ZBTB20: variants seen among roughly 807,000 people sequenced by gnomAD.
ZBTB20 encodes zinc finger and BTB domain containing 20.
Under a neutral mutation model 56.9 loss-of-function variants are expected in ZBTB20, and 9 were observed. The ratio of observed to expected loss-of-function variants is 0.16; its 90% confidence interval spans 0.10 to 0.28. ZBTB20 has a LOEUF of 0.28. Among genes scored for constraint, ZBTB20 ranks in the 10% least tolerant of loss-of-function variants. The probability of loss-of-function intolerance (pLI) is 1.00; values close to 1 mark genes in which losing one functional copy is unlikely to be tolerated. For missense variants in ZBTB20, 655 were observed against 1,003.0 expected, an observed-to-expected ratio of 0.65 and a Z score of 4.69; for synonymous variants, 417 against 420.7, an observed-to-expected ratio of 0.99 and a Z score of 0.11.
chr3:114,877,598 G>A (rs2076246297), intron 4 of ZBTB20, among the ~76,000 whole-genome samples: 1 of 152,144 alleles, frequency 6.6e-6, no homozygotes, highest in Non-Finnish European at 1.5e-5. Flanking sequence ...TGGGAAAGAA[G>A]CCAATCCCTT....
chr3:114,727,011 A>G (rs2065356286), intron 5 of ZBTB20, among the ~76,000 whole-genome samples: 1 of 151,874 alleles, frequency 6.6e-6, no homozygotes, highest in Non-Finnish European at 1.5e-5. Flanking sequence ...TATTTCCTAA[A>G]GTCACCATAT....
At chr3:114,446,009 C>A (rs184020170) in intron 7 of ZBTB20, among the ~76,000 whole-genome samples, 1 of 151,938 alleles carries the variant, frequency 6.6e-6, no homozygotes, top group African/African-American at 2.4e-5. Flanking sequence ...TAGTTCACTG[C>A]GACAATCTAT....
intron 3 of ZBTB20, among the ~76,000 whole-genome samples, chr3:114,957,759 AG>A (rs2077298574): frequency 6.6e-6 from 1 of 152,194 alleles, no homozygotes; most frequent in Non-Finnish European, 1.5e-5. Flanking sequence ...CATAGACAAA[AG>A]GTTGCTAGCT....
intron 6 of ZBTB20, among the ~76,000 whole-genome samples, chr3:114,565,668 T>C (rs2052633889): frequency 6.6e-6 from 1 of 152,210 alleles, no homozygotes; most frequent in South Asian, 2.1e-4. Context: ...CATGTAGGTA[T>C]CATGCAATTT....
chr3:114,531,787 C>T (rs2047870766), intron 6 of ZBTB20, among the ~76,000 whole-genome samples: 2 of 152,202 alleles, frequency 1.3e-5, no homozygotes, highest in Admixed American at 6.5e-5. Context: ...AACAGAGGTA[C>T]CTGGCTCATC....
At chr3:114,551,181 G>A (rs2050531730) in intron 6 of ZBTB20, among the ~76,000 whole-genome samples, 1 of 152,136 alleles carries the variant, frequency 6.6e-6, no homozygotes, top group African/African-American at 2.4e-5. Context: ...ATATTCGATT[G>A]AATATAGTGA....
intron 6 of ZBTB20, chr3:114,519,064 G>T (rs957894313): frequency 6.6e-6 from 1 of 152,186 alleles, no homozygotes; most frequent in Non-Finnish European, 1.5e-5. Context: ...CCTAAAGGAA[G>T]CACCCCAGAA....
In ZBTB20 at chr3:114,327,974, T is replaced by C. The variant is rs915599614; in HGVS notation, c.*11031A>G. 1.2e-4 allele frequency: 18 copies of C among 152,320 alleles called. No individual in the cohort carries two copies. Among genetic ancestry groups the C allele is most frequent in the Admixed American group, 1.1e-3 (17 of 15,292 alleles). 9.4% of individuals were successfully genotyped at this position (152,320 alleles called of 1,614,324 possible). On this transcript the variant is annotated 3_prime_UTR_variant, in exon 12 of 12. Coordinates refer to ENST00000675478, the MANE Select transcript of ZBTB20 (RefSeq NM_001348800.3). ...TCAGTCAGTCTTTTGGGCAATGCTC[T>C]GGTGACCAGACAGTTGTAATCCACT...
chr3:114,512,472 T>A (rs1460150904), intron 6 of ZBTB20, among the ~76,000 whole-genome samples: 2 of 152,146 alleles, frequency 1.3e-5, no homozygotes, highest in Non-Finnish European at 2.9e-5. Flanking sequence ...ACTGACAGGT[T>A]ATTAGCCCAC....
At chr3:114,498,370 C>A (rs776219678) in intron 7 of ZBTB20, among the ~76,000 whole-genome samples, 1 of 152,114 alleles carries the variant, frequency 6.6e-6, no homozygotes, top group Non-Finnish European at 1.5e-5. Flanking sequence ...GAATTCTGTA[C>A]CTGTTTAGAG....
rs2078907472 is a variant in ZBTB20 at position 114,993,555 on chromosome 3, C to A, written c.-506-19139G>T. On this transcript the variant is annotated intron_variant, in intron 2 of 11. Coordinates refer to ENST00000675478, the MANE Select transcript of ZBTB20 (RefSeq NM_001348800.3). The stretch of plus-strand genomic sequence containing the variant: ...AACAAATACCAAAGAATTGGTATTA[C>A]AAAATAAGGTATCTGACCACAATGG... Among the ~76,000 whole-genome samples, 4 of 151,062 alleles carry A rather than the reference C, an allele frequency of 2.6e-5. No homozygotes were observed. The South Asian group carries it at 8.4e-4, about 32-fold the overall frequency.
chr3:114,753,673 A>C (rs1167500877), intron 5 of ZBTB20, among the ~76,000 whole-genome samples: 1 of 151,936 alleles, frequency 6.6e-6, no homozygotes, highest in East Asian at 1.9e-4. Context: ...ACCTCAGGTG[A>C]TCTGCCCGCC....
intron 6 of ZBTB20, among the ~76,000 whole-genome samples, chr3:114,570,296 C>T (rs1034472190): frequency 7.9e-5 from 12 of 151,310 alleles, no homozygotes. Context: ...AATTTTATTT[C>T]CTGACTTAAA....
At chr3:114,718,256 G>T (rs1251391676) in intron 5 of ZBTB20, among the ~76,000 whole-genome samples, 1 of 152,226 alleles carries the variant, frequency 6.6e-6, no homozygotes, top group East Asian at 1.9e-4. Flanking sequence ...ATGGCAAGAA[G>T]TAAATACGAA....
intron 3 of ZBTB20, among the ~76,000 whole-genome samples, chr3:114,905,023 C>G (rs1214994284): frequency 1.3e-5 from 2 of 151,826 alleles, no homozygotes; most frequent in African/African-American, 4.8e-5. Context: ...AATTTAATAT[C>G]AAATTTCATG....
intron 10 of ZBTB20, 166 bp from the exon 11 acceptor site, chr3:114,352,044 C>G (rs1050986982): frequency 2.3e-6 from 2 of 873,050 alleles, no homozygotes; most frequent in Non-Finnish European, 3.4e-6. Context: ...GCTGTAGGTA[C>G]GATGACCTGA....
chr3:114,505,045 A>C (rs548755421), intron 6 of ZBTB20, among the ~76,000 whole-genome samples: 1 of 152,288 alleles, frequency 6.6e-6, no homozygotes, highest in African/African-American at 2.4e-5. Context: ...GGAAGCAGAC[A>C]GGTTTGGCTT....
At position 114,802,578 on chromosome 3, in the gene ZBTB20, G is replaced by A. The variant is rs982994080; in HGVS notation, c.-416-1404C>T. On this transcript the variant is annotated intron_variant, in intron 4 of 11. Coordinates refer to ENST00000675478, the MANE Select transcript of ZBTB20 (RefSeq NM_001348800.3). The stretch of plus-strand genomic sequence containing the variant: ...GAACCAGCGTAAAGGCAGAAATTAT[G>A]GAGGCGTCACCAGGGACAACTGAAT... Among the ~76,000 whole-genome samples the A allele has an allele frequency of 3.9e-5, 6 of 151,942 alleles. No homozygotes were observed. In the South Asian group the frequency reaches 6.2e-4, roughly 16 times the overall value.
In ZBTB20 at chr3:114,350,359, G is replaced by C; in HGVS notation, c.1719C>G (p.Gly573=). 1 of 1,613,954 alleles carries C rather than the reference G, an allele frequency of 6.2e-7. No homozygotes were observed. ...GAGTGCACTCATAAGGCTTTTTTTCGCCTTGCCCACTGGCTGTGCTGTGGC... is the reference window on the plus strand; with the variant it reads ...GAGTGCACTCATAAGGCTTTTTTTCCCCTTGCCCACTGGCTGTGCTGTGGC... ...SAGHSTASGQ[G]EKKPYECTLC... The change falls in exon 11 of 12, where the codon GGC becomes GGG. Residue 573 remains glycine, a synonymous_variant. Transcript: ENST00000675478.
Sources: gnomAD v4.1 joint callset for allele counts (sites outside exome capture counted in the v4.1 genomes callset) on GRCh38, gnomAD v4.1.1 for gene constraint, MANE v1.5 for transcripts, NCBI Gene and HGNC (gene_info 2026-07-23, HGNC 2026-07-21) for gene names.